MGST2: variants seen among roughly 807,000 people sequenced by gnomAD.
MGST2 encodes the protein glutathione peroxidase MGST2.
In MGST2, 9 loss-of-function variants were observed where a neutral mutation model predicts 16.6. The ratio of observed to expected loss-of-function variants is 0.54; its 90% CI spans 0.33 to 0.95. The LOEUF is 0.95. Ranked by LOEUF, MGST2 falls within the 40% of genes least tolerant of loss-of-function variation. The pLI is 0.03. For synonymous variants in MGST2, 79 were observed against 68.0 expected, an observed-to-expected ratio of 1.16 and a Z score of -0.79; for missense variants, 159 against 175.1, an observed-to-expected ratio of 0.91 and a Z score of 0.52.
At chr4:139,690,549 A>C (rs79921958) in intron 2 of MGST2, among the ~76,000 whole-genome samples, 2,111 of 152,260 alleles carry the variant, frequency 0.014, 53 homozygotes, top group African/African-American at 0.046. Flanking sequence ...CCATGGTTTA[A>C]CACAGTGGAA....
At chr4:139,683,498 A>G (rs536118538) in intron 2 of MGST2, among the ~76,000 whole-genome samples, 20 of 152,268 alleles carry the variant, frequency 1.3e-4, no homozygotes, top group African/African-American at 4.8e-4. Context: ...ATTATGATCT[A>G]CTAAGCTATT....
chr4:139,673,607 T>C (rs1730818074), intron 1 of MGST2, among the ~76,000 whole-genome samples: 1 of 152,094 alleles, frequency 6.6e-6, no homozygotes, highest in South Asian at 2.1e-4. Context: ...AGACATGGGT[T>C]CTCACTATGT....
intron 2 of MGST2, among the ~76,000 whole-genome samples, chr4:139,693,267 C>T (rs1488172839): frequency 2.0e-5 from 3 of 151,052 alleles, no homozygotes; most frequent in Non-Finnish European, 3.0e-5. Context: ...TAGCCGGGCG[C>T]GGTGGCAGGT....
intron 2 of MGST2, among the ~76,000 whole-genome samples, chr4:139,684,711 A>G (rs1731456931): frequency 6.6e-6 from 1 of 152,152 alleles, no homozygotes. Context: ...AGGGGTGGAG[A>G]TAGGATAATA....
downstream of MGST2, among the ~76,000 whole-genome samples, chr4:139,742,144 CTTTTCT>C (rs377062802): frequency 9.9e-4 from 127 of 128,744 alleles, no homozygotes; most frequent in African/African-American, 2.5e-3. Context: ...CTTTTCTTTT[CTTTTCT>C]TTTTTTTTTT....
intron 2 of MGST2, among the ~76,000 whole-genome samples, chr4:139,690,026 C>CTGT (rs1288396717): frequency 6.6e-6 from 1 of 152,170 alleles, no homozygotes; most frequent in African/African-American, 2.4e-5. Flanking sequence ...GAGCCTTGCT[C>CTGT]TGTTGCCCAG....
chr4:139,728,811 G>A (rs1038637244), intron 5 of MGST2, among the ~76,000 whole-genome samples: 3 of 152,086 alleles, frequency 2.0e-5, no homozygotes, highest in African/African-American at 7.2e-5. Context: ...CCCCAGGGTC[G>A]GGCTGGCCTC....
rs770035262 is a variant in MGST2 at position 139,678,589 on chromosome 4, T to TA, written c.106dup (p.Thr36AsnfsTer12). On this transcript the variant is annotated frameshift_variant, in exon 2 of 5. Coordinates refer to ENST00000265498, the MANE Select transcript of MGST2 (RefSeq NM_002413.5). LOFTEE classifies it high-confidence loss of function. ...GAAAGGCAAGATTAAAATACAAAGT[T>TA]ACGCCCCCAGCAGTCACTGGGTCAC... is the stretch of plus-strand genomic sequence containing the variant. 1.9e-6 allele frequency: 3 copies of TA among 1,614,054 alleles called. No individual in the cohort carries two copies. The African/African-American group carries it at 4.0e-5, about 22-fold the overall frequency.
the MGST2 span, among the ~76,000 whole-genome samples, chr4:139,746,833 C>T: frequency 3.9e-5 from 6 of 152,258 alleles, no homozygotes; most frequent in East Asian, 1.2e-3. Context: ...AGAAGAGAGA[C>T]GGATTGCTTT....
chr4:139,688,840 C>T (rs1256787579), intron 2 of MGST2, among the ~76,000 whole-genome samples: 1 of 152,166 alleles, frequency 6.6e-6, no homozygotes, highest in East Asian at 1.9e-4. Flanking sequence ...GGCGCAGTGG[C>T]CCGTGCCTGT....
intron 5 of MGST2, chr4:139,731,330 G>GTC (rs920422496): frequency 1.3e-5 from 2 of 151,668 alleles, no homozygotes; most frequent in African/African-American, 4.9e-5. Flanking sequence ...CGGGCGCGGT[G>GTC]TCTCACGCCT....
At chr4:139,668,622 GA>G (rs1730501063) in intron 1 of MGST2, among the ~76,000 whole-genome samples, 2 of 150,860 alleles carry the variant, frequency 1.3e-5, no homozygotes, top group African/African-American at 4.9e-5. Context: ...AGAGGAGGGG[GA>G]GGGGGTAGAG....
At chr4:139,748,665 T>C in the MGST2 span, among the ~76,000 whole-genome samples, 1 of 152,154 alleles carries the variant, frequency 6.6e-6, no homozygotes, top group African/African-American at 2.4e-5. Flanking sequence ...CTATAGTCTA[T>C]ATGTTTCTGG....
At chr4:139,708,947 G>A (rs1283829291), downstream of MGST2, among the ~76,000 whole-genome samples, 6 of 141,640 alleles carry the variant, frequency 4.2e-5, no homozygotes, top group South Asian at 4.7e-4. Flanking sequence ...TGTGGTGAGC[G>A]GAGATGGCAC....
intron 5 of MGST2, among the ~76,000 whole-genome samples, chr4:139,736,681 C>T (rs1292647447): frequency 1.3e-5 from 2 of 152,176 alleles, no homozygotes; most frequent in Non-Finnish European, 2.9e-5. Context: ...GTTCCAGGAT[C>T]AAATGCATTA....
intron 2 of MGST2, among the ~76,000 whole-genome samples, chr4:139,691,509 A>G (rs1355558509): frequency 1.3e-5 from 2 of 152,130 alleles, no homozygotes; most frequent in Non-Finnish European, 2.9e-5. Flanking sequence ...AATCAGGCAG[A>G]AGGACATGGT....
intron 5 of MGST2, among the ~76,000 whole-genome samples, chr4:139,724,188 A>C (rs1189451256): frequency 6.6e-6 from 1 of 152,206 alleles, no homozygotes; most frequent in Non-Finnish European, 1.5e-5. Flanking sequence ...AGCATTCCAG[A>C]GGTGGAAGGG....
downstream of MGST2, among the ~76,000 whole-genome samples, chr4:139,744,970 G>A (rs574727815): frequency 6.6e-6 from 1 of 152,332 alleles, no homozygotes; most frequent in South Asian, 2.1e-4. Context: ...ACATTTCTAA[G>A]CTTCAGTATT....
chr4:139,722,032 T>C (rs1443862262), intron 5 of MGST2, among the ~76,000 whole-genome samples: 4 of 152,244 alleles, frequency 2.6e-5, no homozygotes, highest in Admixed American at 2.6e-4. Context: ...AACAGTCTGA[T>C]GGGCTGCTAG....
Sources: allele counts gnomAD v4.1 joint callset (sites outside exome capture counted in the v4.1 genomes callset), GRCh38; gene constraint gnomAD v4.1.1; transcripts MANE v1.5; gene names NCBI Gene and HGNC (gene_info 2026-07-23, HGNC 2026-07-21).